The following AACS variants were observed in gnomAD, a reference collection of about 807,000 sequenced individuals.
AACS encodes the protein acetoacetyl-CoA synthetase, also known as acetoacetate-CoA ligase.
AACS carries 69 observed loss-of-function variants against 83.1 expected under a neutral mutation model. The ratio of observed to expected loss-of-function variants is 0.83; its 90% CI spans 0.68 to 1.01. The LOEUF (loss-of-function observed/expected upper bound fraction) is 1.01, where lower values mean the gene tolerates loss of function less well. Among genes scored for constraint, AACS ranks in the 50% least tolerant of loss-of-function variants. The pLI is 0.00. For missense variants in AACS, 866 were observed against 882.2 expected (o/e 0.98, Z 0.23); for synonymous variants, 333 against 343.4 (o/e 0.97, Z 0.33).
intron 8 of AACS, among the ~76,000 whole-genome samples, chr12:125,108,676 A>T (rs55657684): frequency 0.066 from 9,974 of 150,770 alleles, 391 homozygotes; most frequent in African/African-American, 0.11. Context: ...ATTTTATTTT[A>T]TTTTTTTTTG....
chr12:125,136,611 C>G (rs1232404368), intron 16 of AACS, 51 bp from the exon 17 acceptor site: 1 of 1,553,422 alleles, frequency 6.4e-7, no homozygotes, highest in Non-Finnish European at 8.8e-7. Context: ...AGGCCCGACC[C>G]CACACTGAGG....
At chr12:125,077,004 C>T (rs1346648546) in intron 3 of AACS, among the ~76,000 whole-genome samples, 1 of 151,714 alleles carries the variant, frequency 6.6e-6, no homozygotes, top group Non-Finnish European at 1.5e-5. Context: ...ATCTCCCAGG[C>T]TCAAGCAATC....
At position 125,142,234 on chromosome 12, in the gene AACS, G is replaced by C; in HGVS notation, c.*5G>C. The C allele has an allele frequency of 6.2e-7, 1 of 1,613,576 alleles. No homozygotes were observed. The highest frequency in any genetic ancestry group is 1.3e-5 in the African/African-American group (1 of 75,002). On this transcript the variant is annotated 3_prime_UTR_variant, in exon 18 of 18. Coordinates refer to ENST00000316519, the MANE Select transcript of AACS (RefSeq NM_023928.5). ...CCTGAGCTGCAGGGCTTCTGAGTCA[G>C]ACTGGCTGGCGTGTCACTCAGCCGC... is the stretch of plus-strand genomic sequence containing the variant.
chr12:125,124,370 C>G (rs1957208489), intron 10 of AACS: 1 of 268,220 alleles, frequency 3.7e-6, no homozygotes, highest in East Asian at 7.7e-5. Context: ...TTTGAGGGGA[C>G]TTGATTTTTA....
At chr12:125,090,230 T>TCCATCCATCCATCCCTCCATTCATC (rs370458772) in intron 4 of AACS, among the ~76,000 whole-genome samples, 1 of 113,348 alleles carries the variant, frequency 8.8e-6, no homozygotes, top group Non-Finnish European at 1.8e-5. Context: ...CATCCATTTA[T>TCCATCCATCCATCCCTCCATTCATC]TATGCTTCCA....
chr12:125,114,704 C>T lies in AACS; in HGVS notation c.996+147C>T. ...CCCCAGGTGCTGGCCTGTGCTATAC[C>T]ACAATAGGGGCTTCCCTGGGTGCCA... On this transcript the variant is annotated intron_variant, in intron 9 of 17. Coordinates refer to ENST00000316519, the MANE Select transcript of AACS (RefSeq NM_023928.5). 1.0e-5 allele frequency: 4 copies of T among 393,636 alleles called. 1 individual carries two copies. In the East Asian group the frequency reaches 2.6e-4, roughly 26 times the overall value. 24.4% of individuals were successfully genotyped at this position (393,636 alleles called of 1,614,324 possible).
At chr12:125,134,920 A>G in intron 16 of AACS, 68 bp downstream of exon 16, 4 of 1,581,796 alleles carry the variant, frequency 2.5e-6, no homozygotes, top group Non-Finnish European at 3.5e-6. Flanking sequence ...CGGGAGCCCC[A>G]GGAGCCCCAC....
rs771277222 is a variant in AACS, at chr12:125,103,004, A to G, written c.690A>G (p.Leu230=). The change falls in exon 7 of 18, where the codon CTA becomes CTG. Residue 230 remains leucine, a synonymous_variant. Transcript: ENST00000316519. ...TTCTCCTCTCGCTCCTTCCAGGCCT[A>G]CCAGACTTGAAGAAAGTGGTGGTGA... is the stretch of plus-strand genomic sequence containing the variant. ...MEKLQQVVKG[L]PDLKKVVVIP... 4.2e-5 allele frequency: 68 copies of G among 1,613,496 alleles called. No individual in the cohort carries two copies. Among genetic ancestry groups the G allele is most frequent in the Non-Finnish European group, 5.8e-5 (68 of 1,179,916 alleles).
chr12:125,068,364 T>C (rs7970716), intron 1 of AACS, among the ~76,000 whole-genome samples: 114,907 of 152,122 alleles, frequency 0.76, 43,643 homozygotes, highest in South Asian at 0.84. Flanking sequence ...GAGACTAAGG[T>C]GGGAGGGTTG....
At position 125,140,025 on chromosome 12, in the gene AACS, C is replaced by G. The variant is rs920210518; in HGVS notation, c.1882-2067C>G. The G allele has an allele frequency of 1.3e-5, 2 of 152,174 alleles. No homozygotes were observed. The highest frequency in any genetic ancestry group is 2.9e-5 in the Non-Finnish European group (2 of 68,074). 9.4% of individuals were successfully genotyped at this position (152,174 alleles called of 1,614,324 possible). A position where few individuals can be genotyped will look rare whatever the true frequency, so the allele number is the denominator to read the frequency against. The stretch of plus-strand genomic sequence containing the variant: ...GGGTCTTGCCCAAGGAAGGGGTGTC[C>G]ATAGTCAGCTCTGCCTTCTGCTCAC... On this transcript the variant is annotated intron_variant, in intron 17 of 17. Coordinates refer to ENST00000316519, the MANE Select transcript of AACS (RefSeq NM_023928.5). This position sits in a 1 kb window ranked among gnomAD's most constrained non-coding sequence, Gnocchi z 5.1.
At position 125,094,779 on chromosome 12, in the gene AACS, G is replaced by A. The variant is rs774473291; in HGVS notation, c.570+3256G>A. ...GGTTGGGGAAGTGCTCTGTTCTAAG[G>A]GTTCCCAACCTTTCCAGCCCCAGCA... On this transcript the variant is annotated intron_variant, in intron 5 of 17. Coordinates refer to ENST00000316519, the MANE Select transcript of AACS (RefSeq NM_023928.5). This position sits in a 1 kb window ranked among gnomAD's most constrained non-coding sequence, Gnocchi z 4.1. Among the ~76,000 whole-genome samples the A allele has an allele frequency of 4.6e-5, 7 of 152,182 alleles. No individual in the cohort carries two copies. The highest frequency in any genetic ancestry group is 8.8e-5 in the Non-Finnish European group (6 of 68,042).
At chr12:125,068,331 C>T (rs1235745928) in intron 1 of AACS, among the ~76,000 whole-genome samples, 3 of 152,044 alleles carry the variant, frequency 2.0e-5, no homozygotes, top group South Asian at 2.1e-4. Flanking sequence ...TGGTGGCATG[C>T]GCCTGTAGTC....
At chr12:125,107,292 C>G (rs774181764) in intron 8 of AACS, 24 bp downstream of exon 8, 1 of 1,610,272 alleles carries the variant, frequency 6.2e-7, no homozygotes, top group South Asian at 1.1e-5. Flanking sequence ...GAAGGCTCTG[C>G]AGGGCCTCCT....
At chr12:125,080,586 C>T (rs1956149278) in intron 3 of AACS, among the ~76,000 whole-genome samples, 1 of 152,118 alleles carries the variant, frequency 6.6e-6, no homozygotes, top group East Asian at 1.9e-4. Flanking sequence ...GTCTGTTTCA[C>T]ACCCCCTACC....
chr12:125,137,112 C>T (rs937783210), intron 17 of AACS, among the ~76,000 whole-genome samples: 2 of 152,244 alleles, frequency 1.3e-5, no homozygotes, highest in African/African-American at 2.4e-5. Context: ...ACTGGCTTCT[C>T]CCTGCTATCC....
At chr12:125,072,150 C>G (rs1368257136) in intron 1 of AACS, among the ~76,000 whole-genome samples, 1 of 145,918 alleles carries the variant, frequency 6.9e-6, no homozygotes, top group Non-Finnish European at 1.5e-5. Context: ...AGCCACCGCT[C>G]CTGGCGCTTT....
chr12:125,080,097 A>C (rs1405123638), intron 3 of AACS, among the ~76,000 whole-genome samples: 1 of 152,220 alleles, frequency 6.6e-6, no homozygotes, highest in Non-Finnish European at 1.5e-5. Context: ...TTGATCCCTA[A>C]GAGGCTCCTG....
Position 125,139,822 on chromosome 12 carries a change from G to A in AACS, c.1882-2270G>A, listed in dbSNP as rs1245065379. ...GGCCTCTTGAGGACAGGAACCTTGT[G>A]GGTCTACCTCCTTTTCTTCGGAGCT... is the stretch of plus-strand genomic sequence containing the variant. On this transcript the variant is annotated intron_variant, in intron 17 of 17. Transcript: ENST00000316519. 2.6e-5 allele frequency: 4 copies of A among 152,282 alleles called. No homozygotes were observed. The East Asian group carries it at 5.8e-4, about 22-fold the overall frequency. 9.4% of individuals were successfully genotyped at this position (152,282 alleles called of 1,614,324 possible). A position where few individuals can be genotyped will look rare whatever the true frequency, so the allele number is the denominator to read the frequency against.
At chr12:125,132,532 G>A (rs879712613) in intron 14 of AACS, among the ~76,000 whole-genome samples, 4 of 152,078 alleles carry the variant, frequency 2.6e-5, no homozygotes, top group Non-Finnish European at 5.9e-5. Flanking sequence ...CCATACAGGC[G>A]TGCTCCTGCA....
Sources: allele counts gnomAD v4.1 joint callset (sites outside exome capture counted in the v4.1 genomes callset), GRCh38; gene constraint gnomAD v4.1.1; non-coding constraint Gnocchi (gnomAD v3.1); transcripts MANE v1.5; gene names NCBI Gene and HGNC (gene_info 2026-07-23, HGNC 2026-07-21).